The following AGBL4 variants were observed in gnomAD, a reference collection of about 807,000 sequenced individuals.
The protein encoded by AGBL4 is cytosolic carboxypeptidase 6.
A neutral mutation model predicts 66.4 loss-of-function variants in AGBL4; 58 were observed. The ratio of observed to expected loss-of-function variants is 0.87; its 90% CI spans 0.71 to 1.09. The LOEUF (loss-of-function observed/expected upper bound fraction) is 1.09, where lower values mean the gene tolerates loss of function less well. Ranked by LOEUF, AGBL4 falls within the 50% of genes least tolerant of loss-of-function variation. The pLI is 0.00. For missense variants in AGBL4, 579 were observed against 631.0 expected (o/e 0.92, Z 0.88); for synonymous variants, 234 against 222.9 (o/e 1.05, Z -0.44).
chr1:48,661,936 A>T (rs1271397132), intron 7 of AGBL4, among the ~76,000 whole-genome samples: 1 of 152,154 alleles, frequency 6.6e-6, no homozygotes, highest in African/African-American at 2.4e-5. Context: ...CTGGGGAGGA[A>T]GAAGGCCAAA....
chr1:48,610,057 T>C (rs974112145), intron 9 of AGBL4, among the ~76,000 whole-genome samples: 2 of 152,222 alleles, frequency 1.3e-5, no homozygotes, highest in East Asian at 3.8e-4. Flanking sequence ...GGTTTCTTCA[T>C]CTCTGAAATA....
At chr1:48,852,620 A>T (rs1267360421) in intron 6 of AGBL4, among the ~76,000 whole-genome samples, 1 of 152,250 alleles carries the variant, frequency 6.6e-6, no homozygotes, top group African/African-American at 2.4e-5. Flanking sequence ...TCCAGCAAAT[A>T]GAAAATGTTT....
intron 3 of AGBL4, among the ~76,000 whole-genome samples, chr1:49,254,795 T>C (rs1652344289): frequency 6.6e-6 from 1 of 152,170 alleles, no homozygotes; most frequent in Non-Finnish European, 1.5e-5. Context: ...CAAAATAGCA[T>C]GGTATTTGTA....
chr1:49,500,598 T>C (rs1054848194), intron 3 of AGBL4, among the ~76,000 whole-genome samples: 2 of 151,966 alleles, frequency 1.3e-5, no homozygotes, highest in African/African-American at 4.8e-5. Flanking sequence ...TCTACACGTG[T>C]CTTGACAATT....
At chr1:48,963,554 T>C (rs1168425088) in intron 5 of AGBL4, among the ~76,000 whole-genome samples, 1 of 151,970 alleles carries the variant, frequency 6.6e-6, no homozygotes, top group Non-Finnish European at 1.5e-5. Context: ...GATAATGGCT[T>C]CCAGGCAGGC....
intron 3 of AGBL4, among the ~76,000 whole-genome samples, chr1:49,305,949 CA>C (rs934953152): frequency 6.6e-6 from 1 of 152,144 alleles, no homozygotes; most frequent in African/African-American, 2.4e-5. Context: ...CTTGGCCTCC[CA>C]AAGTGCTGGG....
chr1:48,664,746 T>C (rs1471131225), intron 6 of AGBL4, among the ~76,000 whole-genome samples: 1 of 152,234 alleles, frequency 6.6e-6, no homozygotes, highest in Non-Finnish European at 1.5e-5. Context: ...TGTGCAAAGA[T>C]ATCATCAGAC....
At chr1:48,564,502 T>C (rs1005680760) in intron 11 of AGBL4, among the ~76,000 whole-genome samples, 3 of 151,910 alleles carry the variant, frequency 2.0e-5, no homozygotes, top group Non-Finnish European at 4.4e-5. Flanking sequence ...ACTTGGCCCC[T>C]GCAATACCTC....
At chr1:49,842,173 G>A in intron 2 of AGBL4, 1 of 411,982 alleles carries the variant, frequency 2.4e-6, no homozygotes, top group South Asian at 2.3e-5. Context: ...AGGAGCATGT[G>A]ACCTTTGAGG....
chr1:49,253,545 CA>C (rs962852444), intron 3 of AGBL4, among the ~76,000 whole-genome samples: 1 of 151,768 alleles, frequency 6.6e-6, no homozygotes, highest in Non-Finnish European at 1.5e-5. Context: ...GCCTACCAAC[CA>C]AAAAAAGCTG....
At chr1:49,452,247 A>G (rs1159995021) in intron 3 of AGBL4, among the ~76,000 whole-genome samples, 1 of 151,910 alleles carries the variant, frequency 6.6e-6, no homozygotes, top group Non-Finnish European at 1.5e-5. Flanking sequence ...CCGTTTTACT[A>G]TACTTATCTG....
chr1:49,218,774 C>T (rs947648674), intron 4 of AGBL4, among the ~76,000 whole-genome samples: 16 of 152,066 alleles, frequency 1.1e-4, no homozygotes, highest in African/African-American at 2.9e-4. Context: ...CATAATTCCA[C>T]GTGTCATGGG....
intron 3 of AGBL4, among the ~76,000 whole-genome samples, chr1:49,554,089 C>T (rs1037394689): frequency 2.0e-5 from 3 of 152,148 alleles, no homozygotes; most frequent in Admixed American, 6.5e-5. Context: ...GGTATGATTA[C>T]ACCACTGCAC....
At position 49,559,063 on chromosome 1, in the gene AGBL4, C is replaced by G. The variant is rs1003950074; in HGVS notation, c.282+138250G>C. Among the ~76,000 whole-genome samples, 8 of 152,248 alleles carry G rather than the reference C, an allele frequency of 5.3e-5. No individual in the cohort carries two copies. The South Asian group carries it at 8.3e-4, about 16-fold the overall frequency. ...GCCTGGCTGGCTTTGCCACATGCCA[C>G]GTATAGAGCCCCAGAGCCTTTATGA... On this transcript the variant is annotated intron_variant, in intron 3 of 13. Transcript: ENST00000371839.
chr1:49,942,376 C>A (rs758990528), intron 1 of AGBL4, among the ~76,000 whole-genome samples: 16 of 151,916 alleles, frequency 1.1e-4, no homozygotes, highest in African/African-American at 1.7e-4. Flanking sequence ...CATCAAATAG[C>A]CAAAGCAAAC....
chr1:48,825,099 A>C (rs973605154), intron 6 of AGBL4, among the ~76,000 whole-genome samples: 1 of 152,218 alleles, frequency 6.6e-6, no homozygotes, highest in Non-Finnish European at 1.5e-5. Flanking sequence ...GAATACTGAG[A>C]TGGGTGAGAA....
At chr1:49,999,724 T>G (rs1273319870) in intron 1 of AGBL4, among the ~76,000 whole-genome samples, 1 of 151,968 alleles carries the variant, frequency 6.6e-6, no homozygotes, top group Non-Finnish European at 1.5e-5. Context: ...TAAAAATAGG[T>G]ATACAGACCA....
chr1:49,505,441 T>C (rs1648592442), intron 3 of AGBL4, among the ~76,000 whole-genome samples: 1 of 152,054 alleles, frequency 6.6e-6, no homozygotes, highest in African/African-American at 2.4e-5. Flanking sequence ...CAGCTGTTGT[T>C]TGTCTAGGAA....
chr1:49,174,245 T>C (rs536286300), intron 4 of AGBL4, among the ~76,000 whole-genome samples: 4 of 152,172 alleles, frequency 2.6e-5, no homozygotes, highest in Non-Finnish European at 5.9e-5. Flanking sequence ...AACTGTGAAG[T>C]TAGAAAAAAT....
Sources: allele counts gnomAD v4.1 joint callset (sites outside exome capture counted in the v4.1 genomes callset), GRCh38; gene constraint gnomAD v4.1.1; transcripts MANE v1.5; gene names NCBI Gene and HGNC (gene_info 2026-07-23, HGNC 2026-07-21).